SLC66A1: variants seen among roughly 807,000 people sequenced by gnomAD.
SLC66A1 encodes the protein lysosomal amino acid transporter 1 homolog.
Under a neutral mutation model 33.0 loss-of-function variants are expected in SLC66A1, and 23 were observed. The observed-to-expected ratio is 0.70, with a 90% CI of 0.50 to 0.99. The LOEUF (loss-of-function observed/expected upper bound fraction) is 0.99. SLC66A1 is among the 50% of genes least tolerant of loss of function. SLC66A1 has a pLI of 0.00. For missense variants in SLC66A1, 335 were observed against 383.6 expected (o/e 0.87, Z 1.06); for synonymous variants, 164 against 175.5 (o/e 0.93, Z 0.52).
intron 1 of SLC66A1, 84 bp from the exon 2 acceptor site, chr1:19,317,516 G>C (rs2093812148): frequency 1.4e-6 from 2 of 1,413,166 alleles, no homozygotes; most frequent in African/African-American, 2.9e-5. Context: ...CCCGTGAAAA[G>C]GCTGGGATGA....
At chr1:19,320,279 A>G (rs1006214144) in intron 2 of SLC66A1, among the ~76,000 whole-genome samples, 2 of 152,054 alleles carry the variant, frequency 1.3e-5, no homozygotes, top group South Asian at 2.1e-4. Context: ...TCTGGGTCCT[A>G]TGTTAACTCT....
At chr1:19,318,257 G>A (rs1036787961) in intron 2 of SLC66A1, among the ~76,000 whole-genome samples, 1 of 152,192 alleles carries the variant, frequency 6.6e-6, no homozygotes, top group African/African-American at 2.4e-5. Context: ...GAGAGTGGGA[G>A]GGCTGGGATG....
In SLC66A1 at chr1:19,328,392, G is replaced by T. The variant is rs1301754548; in HGVS notation, c.805-180G>T. ...TGGCTAGGGCTTGAGGAGCCGGGCAGAAGTTCTGAGTGGAGGGCACAGCTA... is the reference window on the plus strand; with the variant it reads ...TGGCTAGGGCTTGAGGAGCCGGGCATAAGTTCTGAGTGGAGGGCACAGCTA... On this transcript the variant is annotated intron_variant, in intron 7 of 7. Coordinates refer to ENST00000375153, the MANE Select transcript of SLC66A1 (RefSeq NM_001040125.2). The surrounding 1 kb of genome is among the most constrained non-coding windows in gnomAD (Gnocchi z 4.7). Among the ~76,000 whole-genome samples, 1 of 151,862 alleles carries T rather than the reference G, an allele frequency of 6.6e-6. No homozygotes were observed. The highest frequency in any genetic ancestry group is 1.5e-5 in the Non-Finnish European group (1 of 67,978).
intron 1 of SLC66A1, 48 bp from the exon 2 acceptor site, chr1:19,317,552 G>A: frequency 8.8e-6 from 13 of 1,484,376 alleles, no homozygotes; most frequent in Non-Finnish European, 1.2e-5. Context: ...ACCATGAATA[G>A]GACCTGGACC....
intron 1 of SLC66A1, among the ~76,000 whole-genome samples, chr1:19,317,189 G>A (rs1261470929): frequency 5.3e-5 from 8 of 152,082 alleles, no homozygotes; most frequent in South Asian, 4.1e-4. Flanking sequence ...AGGTAACATC[G>A]AGGGCTCAGT....
chr1:19,320,631 G>T (rs1033299329), intron 2 of SLC66A1, among the ~76,000 whole-genome samples: 2 of 151,698 alleles, frequency 1.3e-5, no homozygotes, highest in African/African-American at 2.4e-5. Flanking sequence ...TAGCCAGGAT[G>T]GTCTCGATTT....
chr1:19,324,779 G>A lies in SLC66A1; in HGVS notation c.294+17G>A, dbSNP rs112644897. 7,311 of 1,613,348 alleles carry A rather than the reference G, an allele frequency of 4.5e-3. 300 individuals carry two copies. The African/African-American group carries it at 0.085, about 19-fold the overall frequency. On this transcript the variant is annotated intron_variant, in intron 3 of 7. Transcript: ENST00000375153. Reference sequence around the variant, plus strand: ...CCCCTGCAGGTGGGCCGGTACCCGGGCAAGGTGGCGCTACCCCTAACCCTG... The same window carrying A: ...CCCCTGCAGGTGGGCCGGTACCCGGACAAGGTGGCGCTACCCCTAACCCTG...
At chr1:19,316,744 A>G (rs1382063785) in intron 1 of SLC66A1, among the ~76,000 whole-genome samples, 1 of 150,100 alleles carries the variant, frequency 6.7e-6, no homozygotes, top group Non-Finnish European at 1.5e-5. Context: ...ATGGCTCTCT[A>G]TAGCCTGTAC....
chr1:19,316,592 C>T (rs1569736813), intron 1 of SLC66A1, among the ~76,000 whole-genome samples: 3 of 151,986 alleles, frequency 2.0e-5, no homozygotes, highest in African/African-American at 4.8e-5. Context: ...CGTTGCCCAG[C>T]CTGTTCTCGA....
chr1:19,317,827 T>C lies in SLC66A1; in HGVS notation c.150T>C (p.Ala50=). The stretch of plus-strand genomic sequence containing the variant: ...GCTTGATCTCCATTCTCTGCTTTGC[T>C]GCATCTACCTTCCCGTGAGTAGTGT... The part of the protein sequence containing the change: ...GLGLISILCF[A]ASTFPQFIKA... Residue 50 remains alanine (A), a synonymous_variant, in exon 2 of 8, where the codon GCT becomes GCC. Coordinates refer to ENST00000375153, the MANE Select transcript of SLC66A1 (RefSeq NM_001040125.2). The C allele has an allele frequency of 6.2e-7, 1 of 1,613,950 alleles. No individual in the cohort carries two copies.
chr1:19,319,607 T>TTTTTTTTTGTTTTTTTTTTTTTTTTG (rs2093823854), intron 2 of SLC66A1, among the ~76,000 whole-genome samples: 1 of 146,200 alleles, frequency 6.8e-6, no homozygotes, highest in African/African-American at 2.6e-5. Context: ...ACATTCATGT[T>TTTTTTTTTGTTTTTTTTTTTTTTTTG]TTTTTTTTTT....
chr1:19,326,415 G>C, intron 5 of SLC66A1, 28 bp downstream of exon 5: 1 of 1,605,898 alleles, frequency 6.2e-7, no homozygotes, highest in Non-Finnish European at 8.5e-7. Context: ...CGGTCGAAGG[G>C]ATGGAGGCTG....
At chr1:19,325,797 A>G (rs900663307) in intron 4 of SLC66A1, among the ~76,000 whole-genome samples, 1 of 152,206 alleles carries the variant, frequency 6.6e-6, no homozygotes, top group African/African-American at 2.4e-5. Flanking sequence ...CCCAGACCAC[A>G]GGCCGGTTCC....
chr1:19,319,425 TAA>T (rs1370027456), intron 2 of SLC66A1, among the ~76,000 whole-genome samples: 1 of 152,198 alleles, frequency 6.6e-6, no homozygotes, highest in African/African-American at 2.4e-5. Flanking sequence ...TCACTTAACA[TAA>T]TGTCTTCAAG....
At chr1:19,332,441 C>T (rs2093895165), downstream of SLC66A1, among the ~76,000 whole-genome samples, 4 of 152,266 alleles carry the variant, frequency 2.6e-5, no homozygotes, top group South Asian at 8.3e-4. Flanking sequence ...AGGGGGCTTA[C>T]CAATGCCTGG....
chr1:19,319,621 T>TTTTTTGTTTTTTTTTTTTTTTTTTTG lies in SLC66A1; in HGVS notation c.164+1780_164+1781insTTTTTGTTTTTTTTTTTTTTTTTTTG, dbSNP rs1343830305. On this transcript the variant is annotated intron_variant, in intron 2 of 7. Transcript: ENST00000375153. ...CACATTCATGTTTTTTTTTTTTTTT[T>TTTTTTGTTTTTTTTTTTTTTTTTTTG]GCCTGGTGCAGTGGCTCACACCTGT... Among the ~76,000 whole-genome samples, 243 of 149,116 alleles carry TTTTTTGTTTTTTTTTTTTTTTTTTTG rather than the reference T, an allele frequency of 1.6e-3. 6 individuals are homozygous for TTTTTTGTTTTTTTTTTTTTTTTTTTG. Among genetic ancestry groups the TTTTTTGTTTTTTTTTTTTTTTTTTTG allele is most frequent in the African/African-American group, 5.9e-3 (233 of 39,382 alleles).
Position 19,315,738 on chromosome 1 carries a change from C to G in SLC66A1, c.-78-1862C>G, listed in dbSNP as rs571897908. 2.3e-3 allele frequency among the ~76,000 whole-genome samples: 354 copies of G among 152,314 alleles called. 2 individuals are homozygous for G. Among genetic ancestry groups the G allele is most frequent in the African/African-American group, 8.4e-3 (350 of 41,574 alleles). ...TGTCTCTCTCTCTCCCTCCCTCTCT[C>G]CCTCTCTCTCTCTCGAGCCACAGAA... On this transcript the variant is annotated intron_variant, in intron 1 of 7. Coordinates refer to ENST00000375153, the MANE Select transcript of SLC66A1 (RefSeq NM_001040125.2).
intron 2 of SLC66A1, among the ~76,000 whole-genome samples, chr1:19,320,648 C>T (rs927324797): frequency 6.6e-6 from 1 of 151,834 alleles, no homozygotes; most frequent in Non-Finnish European, 1.5e-5. Flanking sequence ...ATTTCCTGAC[C>T]TTGTGATCCG....
At chr1:19,327,486 C>T in intron 7 of SLC66A1, 74 bp downstream of exon 7, 1 of 1,469,242 alleles carries the variant, frequency 6.8e-7, no homozygotes, top group Non-Finnish European at 9.3e-7. Flanking sequence ...AGCGTCAGCA[C>T]TCATCCGTCT....
Sources: gnomAD v4.1 joint callset for allele counts (sites outside exome capture counted in the v4.1 genomes callset) on GRCh38, gnomAD v4.1.1 for gene constraint, Gnocchi (gnomAD v3.1) non-coding constraint, MANE v1.5 for transcripts, NCBI Gene and HGNC (gene_info 2026-07-23, HGNC 2026-07-21) for gene names.